Variants in BICRA observed in about 807,000 individuals in gnomAD.
The protein encoded by BICRA is BRD4 interacting chromatin remodeling complex associated protein.
A neutral mutation model predicts 96.9 loss-of-function variants in BICRA; 31 were observed. The observed-to-expected ratio is 0.32, with a 90% CI of 0.24 to 0.43. The LOEUF is 0.43. Ranked by LOEUF, BICRA falls within the 20% of genes least tolerant of loss-of-function variation. The pLI is 1.00. For synonymous variants in BICRA, 1,350 were observed against 1,071.8 expected (o/e 1.26, Z -5.07); for missense variants, 2,283 against 2,190.3 (o/e 1.04, Z -0.84).
At chr19:47,684,298 T>A (rs984017685) in intron 7 of BICRA, among the ~76,000 whole-genome samples, 3 of 152,182 alleles carry the variant, frequency 2.0e-5, no homozygotes, top group Non-Finnish European at 4.4e-5. Flanking sequence ...TTCTCCTGCC[T>A]CAGCTTCTGG....
intron 1 of BICRA, among the ~76,000 whole-genome samples, chr19:47,651,323 C>T (rs987434777): frequency 6.6e-6 from 1 of 152,086 alleles, no homozygotes; most frequent in Non-Finnish European, 1.5e-5. Flanking sequence ...CATCACTGCC[C>T]GTGGTCCCTG....
At chr19:47,668,001 G>A (rs768482741) in intron 1 of BICRA, among the ~76,000 whole-genome samples, 4 of 152,132 alleles carry the variant, frequency 2.6e-5, no homozygotes, top group Non-Finnish European at 5.9e-5. Flanking sequence ...GGCCAAGGGG[G>A]CACAGATCAC....
At position 47,702,520 on chromosome 19, in the gene BICRA, GT is replaced by G; in HGVS notation, c.*110del. ...GACTCGAGCCGGGGATCCCCTGACG[GT>G]TTTTCTTGCCTAAGTTATTTGAGTC... On this transcript the variant is annotated 3_prime_UTR_variant, in exon 15 of 15. Transcript: ENST00000594866. 1 of 1,301,220 alleles carries G rather than the reference GT, an allele frequency of 7.7e-7. No individual in the cohort carries two copies. Among genetic ancestry groups the G allele is most frequent in the Non-Finnish European group, 9.9e-7 (1 of 1,006,038 alleles). 80.6% of individuals were successfully genotyped at this position (1,301,220 alleles called of 1,614,324 possible). A position where few individuals can be genotyped will look rare whatever the true frequency, so the allele number is the denominator to read the frequency against.
intron 1 of BICRA, among the ~76,000 whole-genome samples, chr19:47,623,655 G>A (rs779933532): frequency 2.0e-5 from 3 of 152,166 alleles, no homozygotes; most frequent in Admixed American, 6.5e-5. Context: ...AGCCAGATCA[G>A]TGTCTGAGGA....
At chr19:47,639,444 A>G in intron 1 of BICRA, among the ~76,000 whole-genome samples, 1 of 146,702 alleles carries the variant, frequency 6.8e-6, no homozygotes, top group Non-Finnish European at 1.5e-5. Flanking sequence ...CTTCTGCCTC[A>G]GCCTCCCGAG....
intron 1 of BICRA, among the ~76,000 whole-genome samples, chr19:47,611,595 C>G (rs1312447178): frequency 6.6e-6 from 1 of 152,214 alleles, no homozygotes; most frequent in Non-Finnish European, 1.5e-5. Context: ...TTCCTATGCC[C>G]TGTGACCCGC....
At chr19:47,625,334 G>T (rs1235991017) in intron 1 of BICRA, among the ~76,000 whole-genome samples, 7 of 145,178 alleles carry the variant, frequency 4.8e-5, no homozygotes, top group African/African-American at 1.8e-4. Flanking sequence ...GGTCTCACTG[G>T]TGCCCAGGCT....
In BICRA at chr19:47,703,257, G is replaced by GT. The variant is rs1394069840; in HGVS notation, c.*842_*843insT. 6.6e-6 allele frequency: 1 copy of GT among 152,400 alleles called. No individual in the cohort carries two copies. Among genetic ancestry groups the GT allele is most frequent in the Non-Finnish European group, 1.5e-5 (1 of 68,002 alleles). 9.4% of individuals were successfully genotyped at this position (152,400 alleles called of 1,614,324 possible). A position where few individuals can be genotyped will look rare whatever the true frequency, so the allele number is the denominator to read the frequency against. ...TTAGAACTCTTGTAAATTAAAAACC[G>GT]ATCCTTTTTTTAAAACTGTACTCAT... On this transcript the variant is annotated 3_prime_UTR_variant, in exon 15 of 15. Transcript: ENST00000594866.
At position 47,701,256 on chromosome 19, in the gene BICRA, C is replaced by A; in HGVS notation, c.3596-72C>A. On this transcript the variant is annotated intron_variant, in intron 14 of 14. Coordinates refer to ENST00000594866, the MANE Select transcript of BICRA (RefSeq NM_001394372.1). This position sits in a 1 kb window ranked among gnomAD's most constrained non-coding sequence, Gnocchi z 5.4. Reference sequence around the variant, plus strand: ...TGGCAGGTAGTAGGTGCTCACTGCACACAGCTCCTCCCAGCTCGGTCGGGG... The same window carrying A: ...TGGCAGGTAGTAGGTGCTCACTGCAAACAGCTCCTCCCAGCTCGGTCGGGG... The A allele has an allele frequency of 9.2e-7, 1 of 1,083,172 alleles. No homozygotes were observed. Among genetic ancestry groups the A allele is most frequent in the Non-Finnish European group, 1.4e-6 (1 of 726,184 alleles). 67.1% of individuals were successfully genotyped at this position (1,083,172 alleles called of 1,614,324 possible). A position where few individuals can be genotyped will look rare whatever the true frequency, so the allele number is the denominator to read the frequency against.
intron 11 of BICRA, among the ~76,000 whole-genome samples, chr19:47,696,732 G>T (rs1056464712): frequency 2.0e-5 from 3 of 152,232 alleles, no homozygotes; most frequent in African/African-American, 7.2e-5. Context: ...GGCTCCGCCA[G>T]GCTGGGGCTC....
At chr19:47,613,239 TG>T (rs1971935772) in intron 1 of BICRA, among the ~76,000 whole-genome samples, 3 of 152,084 alleles carry the variant, frequency 2.0e-5, no homozygotes, top group African/African-American at 4.8e-5. Flanking sequence ...CAGGTTCCCG[TG>T]GGCCACCTTG....
Position 47,679,596 on chromosome 19 carries a change from C to T in BICRA, c.426C>T (p.Gly142=). The T allele has an allele frequency of 1.3e-6, 2 of 1,533,398 alleles. No homozygotes were observed. Among genetic ancestry groups the T allele is most frequent in the Non-Finnish European group, 1.8e-6 (2 of 1,139,756 alleles). The allele number at this position is 1,533,398 out of a possible 1,614,324, so 95.0% of individuals were successfully genotyped here. ...PTLQPADGGA[G]PTGAGGAAAV... ...TGCAGCCTGCGGATGGCGGGGCAGG[C>T]CCGACGGGCGCTGGAGGGGCAGCGG... Residue 142 remains glycine (G), a synonymous_variant, in exon 6 of 15, where the codon GGC becomes GGT. Transcript: ENST00000594866.
rs1169545539 is a variant in BICRA at position 47,699,010 on chromosome 19, C to T, written c.3443C>T (p.Thr1148Ile). ...GTCTCCACGCAGCTGCTGAAACGCACCCAGGCCATGCTCAATAAATATCGG... is the reference window on the plus strand; with the variant it reads ...GTCTCCACGCAGCTGCTGAAACGCATCCAGGCCATGCTCAATAAATATCGG... ...ETVSTQLLKRTQAMLNKYRLL... is the reference protein window; with the variant it reads ...ETVSTQLLKRIQAMLNKYRLL... Residue 1148 changes from threonine (T) to isoleucine (I), a missense_variant, in exon 13 of 15, where the codon ACC (threonine) becomes ATC (isoleucine). By Grantham distance (89) the Thr-to-Ile change is moderately conservative. Coordinates refer to ENST00000594866, the MANE Select transcript of BICRA (RefSeq NM_001394372.1). This position sits in a 1 kb window ranked among gnomAD's most constrained non-coding sequence, Gnocchi z 5.0. 10 of 1,587,918 alleles carry T rather than the reference C, an allele frequency of 6.3e-6. No homozygotes were observed. Among genetic ancestry groups the T allele is most frequent in the Non-Finnish European group, 7.7e-6 (9 of 1,167,782 alleles).
chr19:47,634,119 C>G (rs1190016298), intron 1 of BICRA, among the ~76,000 whole-genome samples: 1 of 152,222 alleles, frequency 6.6e-6, no homozygotes, highest in Non-Finnish European at 1.5e-5. Flanking sequence ...TTGTATTTAC[C>G]ACTCAGCTCT....
chr19:47,688,915 C>T (rs1255771885), intron 7 of BICRA, among the ~76,000 whole-genome samples: 1 of 151,976 alleles, frequency 6.6e-6, no homozygotes, highest in Non-Finnish European at 1.5e-5. Flanking sequence ...CAACCTCTGT[C>T]TCTGGGATTG....
Position 47,692,568 on chromosome 19 carries a change from A to T in BICRA, c.2284-1547A>T, listed in dbSNP as rs894779549. On this transcript the variant is annotated intron_variant, in intron 7 of 14. Transcript: ENST00000594866. ...CACAGATTCCTGGAGGGGAATTTCC[A>T]GGTCAAAGTTGTGACCCTTTCAAAG... Among the ~76,000 whole-genome samples, 4 of 152,316 alleles carry T rather than the reference A, an allele frequency of 2.6e-5. No individual in the cohort carries two copies. The East Asian group carries it at 5.8e-4, about 22-fold the overall frequency.
chr19:47,653,290 T>C (rs1204155793), intron 1 of BICRA, among the ~76,000 whole-genome samples: 1 of 151,654 alleles, frequency 6.6e-6, no homozygotes, highest in Non-Finnish European at 1.5e-5. Flanking sequence ...CCCAAAGTGC[T>C]GGGATTATAG....
At chr19:47,673,918 G>A (rs1400548756) in intron 4 of BICRA, among the ~76,000 whole-genome samples, 156 bp downstream of exon 4, 1 of 152,088 alleles carries the variant, frequency 6.6e-6, no homozygotes, top group African/African-American at 2.4e-5. Flanking sequence ...AAAACTCATG[G>A]TAATCCCCTG....
chr19:47,698,817 C>T lies in BICRA; in HGVS notation c.3397+35C>T. On this transcript the variant is annotated intron_variant, in intron 12 of 14. Transcript: ENST00000594866. The surrounding 1 kb of genome is among the most constrained non-coding windows in gnomAD (Gnocchi z 4.8). ...CCCCAGGACACGGCCCTATATGTCCCAGGGGACCCCAGCCCGTGGGGCGGG... is the reference window on the plus strand; with the variant it reads ...CCCCAGGACACGGCCCTATATGTCCTAGGGGACCCCAGCCCGTGGGGCGGG... 6.5e-7 allele frequency: 1 copy of T among 1,538,456 alleles called. No homozygotes were observed. The highest frequency in any genetic ancestry group is 8.9e-7 in the Non-Finnish European group (1 of 1,129,790).
Sources: allele counts gnomAD v4.1 joint callset (sites outside exome capture counted in the v4.1 genomes callset), GRCh38; gene constraint gnomAD v4.1.1; non-coding constraint Gnocchi (gnomAD v3.1); transcripts MANE v1.5; gene names NCBI Gene and HGNC (gene_info 2026-07-23, HGNC 2026-07-21).